The following AVL9 variants were observed in gnomAD, a reference collection of about 807,000 sequenced individuals.
AVL9 encodes the protein late secretory pathway protein AVL9 homolog.
In AVL9, 49 loss-of-function variants were observed where a neutral mutation model predicts 79.2. That is an observed-to-expected ratio of 0.62 (90% CI 0.49 to 0.79). The LOEUF (loss-of-function observed/expected upper bound fraction) is 0.79. Among genes scored for constraint, AVL9 ranks in the 30% least tolerant of loss-of-function variants. AVL9 has a pLI of 0.00. For missense variants in AVL9, 682 were observed against 776.8 expected, an observed-to-expected ratio of 0.88 and a Z score of 1.45; for synonymous variants, 299 against 280.6, an observed-to-expected ratio of 1.07 and a Z score of -0.65.
chr7:32,574,256 A>ACCACG, intron 12 of AVL9, among the ~76,000 whole-genome samples: 1 of 94,012 alleles, frequency 1.1e-5, no homozygotes, highest in Non-Finnish European at 2.3e-5. Context: ...CCACCACCAC[A>ACCACG]TGCTCCCAGG....
intron 14 of AVL9, 154 bp from the exon 15 acceptor site, chr7:32,580,648 A>G (rs1466495458): frequency 2.3e-5 from 14 of 607,016 alleles, no homozygotes; most frequent in Middle Eastern, 8.3e-4. Flanking sequence ...AAATTAATTC[A>G]TAACAAATAA....
chr7:32,570,241 A>C, intron 11 of AVL9, 87 bp downstream of exon 11: 1 of 1,500,844 alleles, frequency 6.7e-7, no homozygotes, highest in Non-Finnish European at 9.2e-7. Context: ...TAGTAACAAC[A>C]TTAGTAATGA....
intron 15 of AVL9, 55 bp from the exon 16 acceptor site, chr7:32,583,737 G>A (rs985009976): frequency 1.1e-5 from 13 of 1,139,764 alleles, no homozygotes; most frequent in Non-Finnish European, 1.7e-5. Context: ...GTCTTTCACT[G>A]TCTCGTAACA....
chr7:32,551,973 A>G (rs1378622217), intron 5 of AVL9, among the ~76,000 whole-genome samples: 29 of 150,574 alleles, frequency 1.9e-4, no homozygotes, highest in African/African-American at 6.9e-4. Context: ...ACCACGCTCT[A>G]AAATGTAGAG....
At chr7:32,518,834 CTG>C (rs1454916607) in intron 1 of AVL9, among the ~76,000 whole-genome samples, 1 of 152,088 alleles carries the variant, frequency 6.6e-6, no homozygotes, top group Admixed American at 6.5e-5. Flanking sequence ...TTCTAAAAAA[CTG>C]GACTTCAGTA....
rs753979768 is a variant in AVL9, at chr7:32,558,562, C to G, written c.613C>G (p.Leu205Val). 1.9e-6 allele frequency: 3 copies of G among 1,607,960 alleles called. No homozygotes were observed. The highest frequency in any genetic ancestry group is 2.5e-6 in the Non-Finnish European group (3 of 1,177,030). Reference sequence around the variant, plus strand: ...ATTTTGATTGACTCCATTCCAGGTTCTTTTTTATATTTCTCCAGTGAATAA... The same window carrying G: ...ATTTTGATTGACTCCATTCCAGGTTGTTTTTTATATTTCTCCAGTGAATAA... ...FKLILLEKKV[L>V]FYISPVNKLV... The change falls in exon 9 of 16, where the codon CTT (leucine) becomes GTT (valine). Residue 205 changes from leucine (L) to valine (V), a missense_variant. Leu to Val is a conservative substitution (Grantham distance 32, BLOSUM62 1). Coordinates refer to ENST00000318709, the MANE Select transcript of AVL9 (RefSeq NM_015060.3).
intron 1 of AVL9, among the ~76,000 whole-genome samples, chr7:32,496,066 A>C (rs1277371550): frequency 1.4e-5 from 2 of 146,038 alleles, no homozygotes; most frequent in African/African-American, 5.1e-5. Context: ...GTAGGTTTTT[A>C]ACTTCTGCTT....
intron 1 of AVL9, among the ~76,000 whole-genome samples, chr7:32,529,750 C>T (rs575740923): frequency 6.6e-6 from 1 of 152,226 alleles, no homozygotes; most frequent in South Asian, 2.1e-4. Flanking sequence ...TGCATGAAAC[C>T]TAATGCAGTT....
chr7:32,500,070 T>C (rs922039328), intron 1 of AVL9, among the ~76,000 whole-genome samples: 66 of 152,208 alleles, frequency 4.3e-4, no homozygotes, highest in African/African-American at 1.6e-3. Flanking sequence ...TGTGTGTGTC[T>C]TTATAGTAGA....
intron 12 of AVL9, among the ~76,000 whole-genome samples, chr7:32,573,927 A>G (rs968845975): frequency 1.3e-5 from 2 of 152,218 alleles, no homozygotes; most frequent in African/African-American, 4.8e-5. Context: ...TTCGTATTAA[A>G]TGGTTAAAAT....
intron 1 of AVL9, among the ~76,000 whole-genome samples, chr7:32,512,252 G>A (rs540670052): frequency 1.3e-5 from 2 of 152,342 alleles, no homozygotes; most frequent in South Asian, 4.1e-4. Context: ...AACAGAGGCA[G>A]GGGCTTGGGG....
At position 32,573,395 on chromosome 7, in the gene AVL9, T is replaced by C; in HGVS notation, c.1547T>C (p.Leu516Pro). ...RAQFAVYIHA[L>P]LAATLQLDNE... is the part of the protein sequence containing the mutation. The stretch of plus-strand genomic sequence containing the variant: ...CAGTTTGCGGTCTACATTCATGCCC[T>C]GCTGGCTGCCACACTGCAATTAGGT... Residue 516 changes from leucine to proline, a missense_variant, in exon 12 of 16, where the codon CTG becomes CCG. Physicochemically the swap from Leu to Pro is moderately conservative, Grantham distance 98. Coordinates refer to ENST00000318709, the MANE Select transcript of AVL9 (RefSeq NM_015060.3). The C allele has an allele frequency of 1.2e-6, 2 of 1,613,674 alleles. No homozygotes were observed. The highest frequency in any genetic ancestry group is 1.7e-6 in the Non-Finnish European group (2 of 1,179,802).
At chr7:32,497,303 C>T (rs1434730720) in intron 1 of AVL9, among the ~76,000 whole-genome samples, 3 of 152,078 alleles carry the variant, frequency 2.0e-5, no homozygotes, top group African/African-American at 7.2e-5. Flanking sequence ...TGCTGTGAGC[C>T]GAGATCACGC....
intron 1 of AVL9, chr7:32,537,274 C>G (rs1788954451): frequency 6.6e-6 from 1 of 151,978 alleles, no homozygotes. Context: ...CAGGAAATTC[C>G]AAGGATGTTA....
At position 32,551,337 on chromosome 7, in the gene AVL9, C is replaced by G. The variant is rs1195644194; in HGVS notation, c.376C>G (p.Leu126Val). 6.3e-7 allele frequency: 1 copy of G among 1,595,572 alleles called. No homozygotes were observed. Among genetic ancestry groups the G allele is most frequent in the Admixed American group, 1.7e-5 (1 of 59,422 alleles). The change falls in exon 5 of 16, where the codon CTG (leucine) becomes GTG (valine). Residue 126 changes from leucine to valine, a missense_variant. Physicochemically the swap from Leu to Val is conservative, Grantham distance 32. Coordinates refer to ENST00000318709, the MANE Select transcript of AVL9 (RefSeq NM_015060.3). ...KSVCVLSKLP[L>V]YGLLQAKLQL... The stretch of plus-strand genomic sequence containing the variant: ...AATTTCTCTTTTTTCCTTTAAGCCT[C>G]TGTATGGTTTACTTCAAGCAAAACT...
chr7:32,548,725 C>A, intron 3 of AVL9, 122 bp from the exon 4 acceptor site: 1 of 648,124 alleles, frequency 1.5e-6, no homozygotes, highest in Non-Finnish European at 2.4e-6. Flanking sequence ...TAATAAAAAA[C>A]TTTTTGAATT....
At chr7:32,546,815 T>C (rs556985411) in intron 3 of AVL9, among the ~76,000 whole-genome samples, 1 of 151,862 alleles carries the variant, frequency 6.6e-6, no homozygotes, top group East Asian at 1.9e-4. Context: ...AGAGCGAGAC[T>C]CCCTCAAAAA....
At chr7:32,508,965 A>C (rs1787533858) in intron 1 of AVL9, among the ~76,000 whole-genome samples, 1 of 152,230 alleles carries the variant, frequency 6.6e-6, no homozygotes, top group African/African-American at 2.4e-5. Flanking sequence ...AATTATAATC[A>C]GCTTGCCAGG....
In AVL9 at chr7:32,587,419, T is replaced by G. The variant is rs1362303598; in HGVS notation, c.*3512T>G. 6.6e-6 allele frequency: 1 copy of G among 152,230 alleles called. No homozygotes were observed. Among genetic ancestry groups the G allele is most frequent in the Non-Finnish European group, 1.5e-5 (1 of 68,042 alleles). 9.4% of individuals were successfully genotyped at this position (152,230 alleles called of 1,614,324 possible). A position where few individuals can be genotyped will look rare whatever the true frequency, so the allele number is the denominator to read the frequency against. ...TTTGTGAAAAAAAGTTTTGTAGAAG[T>G]TACAGCTAGTGGTCTTTTCCCTCCA... is the stretch of plus-strand genomic sequence containing the variant. On this transcript the variant is annotated 3_prime_UTR_variant, in exon 16 of 16. Transcript: ENST00000318709.
Sources: gnomAD v4.1 joint callset for allele counts (sites outside exome capture counted in the v4.1 genomes callset) on GRCh38, gnomAD v4.1.1 for gene constraint, MANE v1.5 for transcripts, NCBI Gene and HGNC (gene_info 2026-07-23, HGNC 2026-07-21) for gene names.